Variants in DENND1B observed in about 807,000 individuals in gnomAD.
DENND1B encodes the protein DENN domain containing 1B, also known as DENN domain-containing protein 1B.
In DENND1B, 59 loss-of-function variants were observed where a neutral mutation model predicts 90.1. That is an observed-to-expected ratio of 0.65 (90% confidence interval 0.53 to 0.81). The LOEUF (loss-of-function observed/expected upper bound fraction) is 0.81, where lower values mean the gene tolerates loss of function less well. Ranked by LOEUF, DENND1B falls within the 40% of genes least tolerant of loss-of-function variation. DENND1B has a pLI of 0.00. For synonymous variants in DENND1B, 337 were observed against 324.6 expected (o/e 1.04, Z -0.41); for missense variants, 862 against 912.6 (o/e 0.94, Z 0.71).
At chr1:197,536,368 CTA>C (rs1669907566) in intron 20 of DENND1B, among the ~76,000 whole-genome samples, 1 of 152,108 alleles carries the variant, frequency 6.6e-6, no homozygotes, top group Admixed American at 6.5e-5. Flanking sequence ...TTTGCTAACA[CTA>C]TTAAAACTAA....
At chr1:197,707,358 T>A (rs1316782834) in intron 3 of DENND1B, among the ~76,000 whole-genome samples, 4 of 151,982 alleles carry the variant, frequency 2.6e-5, no homozygotes, top group Non-Finnish European at 5.9e-5. Context: ...TCTATAACAC[T>A]GTAGGGTGAT....
chr1:197,610,172 G>A (rs1316591089), intron 12 of DENND1B, among the ~76,000 whole-genome samples: 3 of 150,604 alleles, frequency 2.0e-5, no homozygotes, highest in Non-Finnish European at 4.5e-5. Context: ...TAAGTCCAGA[G>A]TATGAAAAAT....
chr1:197,656,322 C>T (rs1653821877), intron 6 of DENND1B, among the ~76,000 whole-genome samples: 1 of 151,906 alleles, frequency 6.6e-6, no homozygotes, highest in South Asian at 2.1e-4. Context: ...AAGACAATGT[C>T]AGGAAAATCC....
intron 7 of DENND1B, among the ~76,000 whole-genome samples, chr1:197,649,969 T>C (rs1293305689): frequency 6.6e-6 from 1 of 152,012 alleles, no homozygotes; most frequent in Non-Finnish European, 1.5e-5. Context: ...AGTCTATACA[T>C]CTGATGTTCA....
At chr1:197,622,021 A>G (rs979657773) in intron 10 of DENND1B, among the ~76,000 whole-genome samples, 2 of 151,400 alleles carry the variant, frequency 1.3e-5, no homozygotes, top group Non-Finnish European at 3.0e-5. Flanking sequence ...CAACATAAGT[A>G]TATATGGGAA....
intron 5 of DENND1B, among the ~76,000 whole-genome samples, chr1:197,671,297 T>C (rs1655477454): frequency 6.6e-6 from 1 of 152,150 alleles, no homozygotes; most frequent in South Asian, 2.1e-4. Context: ...TGCTAACCTT[T>C]AGAACCCTTT....
intron 10 of DENND1B, among the ~76,000 whole-genome samples, chr1:197,633,916 G>C (rs977713357): frequency 6.6e-6 from 1 of 152,142 alleles, no homozygotes; most frequent in African/African-American, 2.4e-5. Context: ...CTGCGAGTGA[G>C]GCATCTCTTG....
Position 197,775,104 on chromosome 1 carries a change from G to T in DENND1B, c.17+35C>A, listed in dbSNP as rs975187999. On this transcript the variant is annotated intron_variant, in intron 1 of 22. Transcript: ENST00000620048. ...GGCCTGGGAGGGGCCGCCGAGGGAC[G>T]CCCGCCCCCGACGCGCCCGGGCCCC... 46 of 1,242,108 alleles carry T rather than the reference G, an allele frequency of 3.7e-5. No homozygotes were observed. In the African/African-American group the frequency reaches 3.9e-4, roughly 11 times the overall value. The allele number at this position is 1,242,108 out of a possible 1,614,324, so 76.9% of individuals were successfully genotyped here.
intron 3 of DENND1B, 98 bp downstream of exon 3, chr1:197,714,933 A>C (rs549123955): frequency 1.2e-6 from 1 of 855,116 alleles, no homozygotes; most frequent in Admixed American, 2.1e-5. Flanking sequence ...TTAGCAATCC[A>C]TGTTCACTAG....
At chr1:197,754,503 G>A (rs1357217289) in intron 2 of DENND1B, among the ~76,000 whole-genome samples, 1 of 151,732 alleles carries the variant, frequency 6.6e-6, no homozygotes. Flanking sequence ...GCAACATGGT[G>A]AAAAATCAGC....
At chr1:197,591,180 TC>T (rs1236222026) in intron 14 of DENND1B, among the ~76,000 whole-genome samples, 1 of 152,186 alleles carries the variant, frequency 6.6e-6, no homozygotes, top group Non-Finnish European at 1.5e-5. Flanking sequence ...AGTATAATTT[TC>T]TTTTATAATT....
At chr1:197,515,650 T>C (rs979856048) in intron 20 of DENND1B, among the ~76,000 whole-genome samples, 10 of 151,794 alleles carry the variant, frequency 6.6e-5, no homozygotes, top group Admixed American at 4.6e-4. Context: ...GAAGATTAGA[T>C]AATACATACT....
At chr1:197,556,732 A>T (rs1671749273) in intron 15 of DENND1B, among the ~76,000 whole-genome samples, 1 of 151,984 alleles carries the variant, frequency 6.6e-6, no homozygotes, top group South Asian at 2.1e-4. Context: ...AGTAATAAAA[A>T]TACCTTATGC....
Position 197,508,442 on chromosome 1 carries a change from A to T in DENND1B, c.*2018T>A, listed in dbSNP as rs907599085. 1 of 151,722 alleles carries T rather than the reference A, an allele frequency of 6.6e-6. No individual in the cohort carries two copies. The highest frequency in any genetic ancestry group is 1.5e-5 in the Non-Finnish European group (1 of 67,784). The allele number at this position is 151,722 out of a possible 1,614,324, so 9.4% of individuals were successfully genotyped here. Reference sequence around the variant, plus strand: ...GAGACTTCTGTATTAAAAAATAAGGATTAAACATTGTTTTCCTTAATGTAT... The same window carrying T: ...GAGACTTCTGTATTAAAAAATAAGGTTTAAACATTGTTTTCCTTAATGTAT... On this transcript the variant is annotated 3_prime_UTR_variant, in exon 23 of 23. Transcript: ENST00000620048.
chr1:197,744,705 C>A (rs997037763), intron 2 of DENND1B, among the ~76,000 whole-genome samples: 13 of 152,270 alleles, frequency 8.5e-5, no homozygotes, highest in Non-Finnish European at 1.9e-4. Context: ...GCTACATTAG[C>A]CCATAACAAG....
intron 3 of DENND1B, among the ~76,000 whole-genome samples, chr1:197,694,339 TTTA>T (rs1012599538): frequency 6.6e-6 from 1 of 151,614 alleles, no homozygotes; most frequent in African/African-American, 2.4e-5. Context: ...TTTGCAAGAC[TTTA>T]TTTTCTACCG....
At chr1:197,523,911 T>C (rs1668954773) in intron 20 of DENND1B, among the ~76,000 whole-genome samples, 1 of 151,750 alleles carries the variant, frequency 6.6e-6, no homozygotes, top group African/African-American at 2.4e-5. Context: ...ATGGACAACA[T>C]GCATGAATAG....
intron 6 of DENND1B, 58 bp from the exon 7 acceptor site, chr1:197,652,373 T>G (rs1653327055): frequency 7.6e-7 from 1 of 1,323,032 alleles, no homozygotes; most frequent in South Asian, 1.3e-5. Flanking sequence ...CAACTGCAAT[T>G]AAAACTATTT....
At chr1:197,679,924 C>A (rs1421905602) in intron 3 of DENND1B, among the ~76,000 whole-genome samples, 1 of 146,792 alleles carries the variant, frequency 6.8e-6, no homozygotes, top group African/African-American at 2.5e-5. Context: ...CCAAGGCAGG[C>A]GGATTGCTTG....
Sources: allele counts gnomAD v4.1 joint callset (sites outside exome capture counted in the v4.1 genomes callset), GRCh38; gene constraint gnomAD v4.1.1; transcripts MANE v1.5; gene names NCBI Gene and HGNC (gene_info 2026-07-23, HGNC 2026-07-21).